The following COL23A1 variants were observed in gnomAD, a reference collection of about 807,000 sequenced individuals.
COL23A1 encodes the protein collagen type XXIII alpha 1 chain.
Under a neutral mutation model 99.3 loss-of-function variants are expected in COL23A1, and 97 were observed. The observed-to-expected ratio is 0.98, with a 90% CI of 0.83 to 1.16. The LOEUF is 1.16. Among genes scored for constraint, COL23A1 ranks in the 50% most tolerant of loss-of-function variants. The probability of loss-of-function intolerance (pLI) is 0.00; values close to 1 mark genes in which losing one functional copy is unlikely to be tolerated. For synonymous variants in COL23A1, 320 were observed against 308.2 expected, an observed-to-expected ratio of 1.04 and a Z score of -0.40; for missense variants, 762 against 757.4, an observed-to-expected ratio of 1.01 and a Z score of -0.07.
chr5:178,257,520 C>T lies in COL23A1; in HGVS notation c.774+3G>A, dbSNP rs1048293275. 26 of 1,566,646 alleles carry T rather than the reference C, an allele frequency of 1.7e-5. No individual in the cohort carries two copies. Among genetic ancestry groups the T allele is most frequent in the Middle Eastern group, 3.3e-4 (2 of 5,986 alleles). On this transcript the variant is annotated splice_donor_region_variant and intron_variant, in intron 13 of 28. Transcript: ENST00000390654. The stretch of plus-strand genomic sequence containing the variant: ...GGCCACGAGAGGAGGGGCAGATACT[C>T]ACCTTGGGCCCTGGTGGTCCAGGCT...
intron 1 of COL23A1, among the ~76,000 whole-genome samples, chr5:178,567,469 G>A (rs568087172): frequency 4.6e-5 from 7 of 152,322 alleles, no homozygotes; most frequent in Non-Finnish European, 5.9e-5. Flanking sequence ...AAGGCTGGGT[G>A]TGGTGGTTCA....
chr5:178,241,048 A>G (rs1012979515), intron 27 of COL23A1, among the ~76,000 whole-genome samples: 9 of 152,144 alleles, frequency 5.9e-5, no homozygotes, highest in African/African-American at 1.9e-4. Context: ...CCTGGACGAC[A>G]TTGCAAGACC....
chr5:178,483,164 G>T (rs972305812), intron 2 of COL23A1, among the ~76,000 whole-genome samples: 1 of 152,148 alleles, frequency 6.6e-6, no homozygotes, highest in Non-Finnish European at 1.5e-5. Context: ...AAATAAGCAG[G>T]TCACTGATGA....
In COL23A1 at chr5:178,365,743, C is replaced by T. The variant is rs1304744243; in HGVS notation, c.362-58824G>A. Among the ~76,000 whole-genome samples the T allele has an allele frequency of 6.6e-6, 1 of 152,172 alleles. No homozygotes were observed. Among genetic ancestry groups the T allele is most frequent in the Non-Finnish European group, 1.5e-5 (1 of 68,028 alleles). On this transcript the variant is annotated intron_variant, in intron 2 of 28. Coordinates refer to ENST00000390654, the MANE Select transcript of COL23A1 (RefSeq NM_173465.4). This position sits in a 1 kb window ranked among gnomAD's most constrained non-coding sequence, Gnocchi z 5.2. ...GGAAAGCCATGTCTTGTTCTCCACGCCCAGTTCTGATGTCACCTTTCTCAC... is the reference window on the plus strand; with the variant it reads ...GGAAAGCCATGTCTTGTTCTCCACGTCCAGTTCTGATGTCACCTTTCTCAC...
rs567342567 is a variant in COL23A1, at chr5:178,400,053, T to C, written c.362-93134A>G. ...AGCCCAATTGGAACACCTCTATCTT[T>C]TAAATTTTTATTTTTAAATCTACAT... is the stretch of plus-strand genomic sequence containing the variant. On this transcript the variant is annotated intron_variant, in intron 2 of 28. Coordinates refer to ENST00000390654, the MANE Select transcript of COL23A1 (RefSeq NM_173465.4). 3.9e-5 allele frequency among the ~76,000 whole-genome samples: 6 copies of C among 152,266 alleles called. No homozygotes were observed. In the South Asian group the frequency reaches 1.2e-3, roughly 32 times the overall value.
intron 1 of COL23A1, among the ~76,000 whole-genome samples, chr5:178,580,672 A>G (rs1763620329): frequency 6.6e-6 from 1 of 152,212 alleles, no homozygotes; most frequent in Admixed American, 6.5e-5. Flanking sequence ...TCACATAACG[A>G]CAAATCACAG....
At chr5:178,254,109 A>G (rs868188651) in intron 16 of COL23A1, among the ~76,000 whole-genome samples, 4 of 152,076 alleles carry the variant, frequency 2.6e-5, no homozygotes, top group African/African-American at 9.7e-5. Flanking sequence ...GGTTGCAGTG[A>G]GCCGAGATCA....
chr5:178,549,011 T>G (rs1042519419), intron 2 of COL23A1, among the ~76,000 whole-genome samples: 2 of 152,232 alleles, frequency 1.3e-5, no homozygotes, highest in East Asian at 3.9e-4. Context: ...CTTCTTTTTT[T>G]TTGAGATGGA....
chr5:178,492,539 G>A (rs538431214), intron 2 of COL23A1, among the ~76,000 whole-genome samples: 7 of 152,212 alleles, frequency 4.6e-5, no homozygotes, highest in Admixed American at 1.3e-4. Flanking sequence ...TGCAGTCTGT[G>A]GTATTTGTTA....
chr5:178,547,430 A>G (rs1761646150), intron 2 of COL23A1, among the ~76,000 whole-genome samples: 1 of 151,024 alleles, frequency 6.6e-6, no homozygotes, highest in South Asian at 2.1e-4. Flanking sequence ...AATTCCTTCA[A>G]ATAAATCTCT....
At chr5:178,368,481 C>T (rs1431370519) in intron 2 of COL23A1, among the ~76,000 whole-genome samples, 1 of 152,210 alleles carries the variant, frequency 6.6e-6, no homozygotes, top group Admixed American at 6.5e-5. Context: ...AGGGTTCACT[C>T]TTGGTAGCAT....
rs938627031 is a variant in COL23A1, at chr5:178,365,511, G to A, written c.362-58592C>T. Among the ~76,000 whole-genome samples the A allele has an allele frequency of 6.6e-6, 1 of 152,010 alleles. No individual in the cohort carries two copies. The highest frequency in any genetic ancestry group is 6.5e-5 in the Admixed American group (1 of 15,278). ...CCCAATCCCTCTTTCTTCTGATGTC[G>A]ACAGGATCAAGCACAAGCCTCCTTG... On this transcript the variant is annotated intron_variant, in intron 2 of 28. Coordinates refer to ENST00000390654, the MANE Select transcript of COL23A1 (RefSeq NM_173465.4). This position sits in a 1 kb window ranked among gnomAD's most constrained non-coding sequence, Gnocchi z 5.2.
intron 2 of COL23A1, among the ~76,000 whole-genome samples, chr5:178,352,854 A>G (rs918861535): frequency 1.3e-4 from 20 of 152,200 alleles, no homozygotes; most frequent in Non-Finnish European, 1.5e-5. Flanking sequence ...CTGTTTGTCC[A>G]TCCTCCTCAC....
At chr5:178,361,961 G>A (rs185939493) in intron 2 of COL23A1, among the ~76,000 whole-genome samples, 21 of 152,312 alleles carry the variant, frequency 1.4e-4, no homozygotes, top group Admixed American at 1.4e-3. Flanking sequence ...ACATCACACA[G>A]GGAGTCACTG....
Position 178,258,262 on chromosome 5 carries a change from T to TATATATATATATATATATATACAC in COL23A1, c.730-696_730-695insGTGTATATATATATATATATATAT. ...ATATATATATATATATATATATATA[T>TATATATATATATATATATATACAC]ACACATGCAAATCAATTCTAGGCAC... On this transcript the variant is annotated intron_variant, in intron 12 of 28. Coordinates refer to ENST00000390654, the MANE Select transcript of COL23A1 (RefSeq NM_173465.4). Among the ~76,000 whole-genome samples the TATATATATATATATATATATACAC allele has an allele frequency of 2.9e-3, 299 of 104,020 alleles. 34 individuals carry two copies. Among genetic ancestry groups the TATATATATATATATATATATACAC allele is most frequent in the South Asian group, 6.2e-3 (16 of 2,572 alleles). 68.2% of individuals were successfully genotyped at this position (104,020 alleles called of 152,430 possible).
chr5:178,248,377 G>T, intron 19 of COL23A1, 123 bp from the exon 20 acceptor site: 1 of 708,840 alleles, frequency 1.4e-6, no homozygotes. Context: ...GTTAGCTGTT[G>T]CAACTGAAAA....
At position 178,247,565 on chromosome 5, in the gene COL23A1, G is replaced by A. The variant is rs369155212; in HGVS notation, c.1270-13C>T. Reference sequence around the variant, plus strand: ...TTCCCTGGAGGCCCTGCAGGAGGAGGAAGCAGATAAGAAGGCTGGCTCCGG... The same window carrying A: ...TTCCCTGGAGGCCCTGCAGGAGGAGAAAGCAGATAAGAAGGCTGGCTCCGG... On this transcript the variant is annotated splice_polypyrimidine_tract_variant and intron_variant, in intron 21 of 28. Transcript: ENST00000390654. The A allele has an allele frequency of 1.2e-6, 2 of 1,613,864 alleles. No homozygotes were observed. Among genetic ancestry groups the A allele is most frequent in the African/African-American group, 1.3e-5 (1 of 74,924 alleles).
At chr5:178,506,612 T>C (rs1396914204) in intron 2 of COL23A1, among the ~76,000 whole-genome samples, 2 of 152,222 alleles carry the variant, frequency 1.3e-5, no homozygotes, top group Admixed American at 6.5e-5. Context: ...AACGCAATTA[T>C]GTGTGGAATA....
At chr5:178,326,993 C>T (rs971352054) in intron 2 of COL23A1, among the ~76,000 whole-genome samples, 4 of 152,260 alleles carry the variant, frequency 2.6e-5, no homozygotes, top group African/African-American at 9.6e-5. Context: ...GCCGGGATTA[C>T]AGGCGTGAGC....
Sources: gnomAD v4.1 joint callset for allele counts (sites outside exome capture counted in the v4.1 genomes callset) on GRCh38, gnomAD v4.1.1 for gene constraint, Gnocchi (gnomAD v3.1) non-coding constraint, MANE v1.5 for transcripts, NCBI Gene and HGNC (gene_info 2026-07-23, HGNC 2026-07-21) for gene names.